CCDC187: variants seen among roughly 807,000 people sequenced by gnomAD.
CCDC187 encodes the protein coiled-coil domain containing 187, also known as coiled-coil domain-containing protein 187.
Under a neutral mutation model 38.0 loss-of-function variants are expected in CCDC187, and 32 were observed. The observed-to-expected ratio is 0.84, with a 90% CI of 0.64 to 1.13. The LOEUF (loss-of-function observed/expected upper bound fraction) is 1.13, where lower values mean the gene tolerates loss of function less well. CCDC187 is among the 50% of genes most tolerant of loss of function. The pLI, the probability that CCDC187 is intolerant of heterozygous loss-of-function variation, is 0.00. For missense variants in CCDC187, 707 were observed against 786.8 expected, an observed-to-expected ratio of 0.90 and a Z score of 1.21; for synonymous variants, 333 against 347.9, an observed-to-expected ratio of 0.96 and a Z score of 0.48.
intron 4 of CCDC187, among the ~76,000 whole-genome samples, chr9:136,293,167 TCA>T (rs1279987429): frequency 1.9e-5 from 1 of 53,032 alleles, no homozygotes; most frequent in Non-Finnish European, 4.3e-5. Flanking sequence ...GCTCACACAC[TCA>T]CATGCTCACA....
chr9:136,260,689 C>T (rs554518626), intron 19 of CCDC187, among the ~76,000 whole-genome samples: 18 of 152,292 alleles, frequency 1.2e-4, no homozygotes, highest in South Asian at 2.1e-4. Flanking sequence ...CTTTCTCCCC[C>T]GGGCACCTGC....
At position 136,272,258 on chromosome 9, in the gene CCDC187, CTA is replaced by C. The variant is rs1265374926; in HGVS notation, c.3442+2398_3442+2399del. On this transcript the variant is annotated intron_variant, in intron 14 of 25. Transcript: ENST00000638797. ...AGCACCAGAAATGGTAAAATGACGA[CTA>C]TGTGCAGATGTAAATATAAACACAT... Among the ~76,000 whole-genome samples the C allele has an allele frequency of 2.6e-5, 4 of 152,306 alleles. No homozygotes were observed. The East Asian group carries it at 5.8e-4, about 22-fold the overall frequency.
rs543958873 is a variant in CCDC187, at chr9:136,254,023, G to A, written c.5805C>T (p.Pro1935=). ...KSKLPYLMPE[P]ETPVTLQAPP... ...GAGCCTGCAGGGTCACCGGGGTCTCGGGCTCTGGCATGAGGTACGGGAGTT... is the reference window on the plus strand; with the variant it reads ...GAGCCTGCAGGGTCACCGGGGTCTCAGGCTCTGGCATGAGGTACGGGAGTT... Residue 1935 remains proline, a synonymous_variant, in exon 26 of 26, where the codon CCC becomes CCT. Coordinates refer to ENST00000638797, the MANE Select transcript of CCDC187 (RefSeq NM_001378188.1). 3.1e-5 allele frequency: 31 copies of A among 985,332 alleles called. No homozygotes were observed. Among genetic ancestry groups the A allele is most frequent in the African/African-American group, 5.2e-5 (3 of 57,280 alleles). The allele number at this position is 985,332 out of a possible 1,614,324, so 61.0% of individuals were successfully genotyped here.
intron 10 of CCDC187, among the ~76,000 whole-genome samples, chr9:136,276,953 G>C (rs1830944040): frequency 6.6e-6 from 1 of 152,086 alleles, no homozygotes; most frequent in African/African-American, 2.4e-5. Flanking sequence ...AGGGCTGGGA[G>C]GGCTGCAGCC....
At chr9:136,297,688 C>T in intron 4 of CCDC187, 26 bp downstream of exon 4, 1 of 399,186 alleles carries the variant, frequency 2.5e-6, no homozygotes. Context: ...CCTAGCGTGC[C>T]AGGGCCCCAA....
chr9:136,290,139 C>A, intron 6 of CCDC187, 86 bp from the exon 7 acceptor site: 1 of 398,236 alleles, frequency 2.5e-6, no homozygotes, highest in South Asian at 1.3e-4. Flanking sequence ...AGGCCTTGAC[C>A]TCCCTTGGGG....
intron 16 of CCDC187, 105 bp from the exon 17 acceptor site, chr9:136,266,148 GC>G (rs1554761583): frequency 3.4e-6 from 2 of 589,164 alleles, no homozygotes; most frequent in Non-Finnish European, 4.3e-6. Context: ...AACCTGGAAT[GC>G]CCTCCCAAGG....
intron 9 of CCDC187, 58 bp downstream of exon 9, chr9:136,285,448 TGGGCAGG>T: frequency 4.4e-5 from 2 of 45,372 alleles, no homozygotes; most frequent in South Asian, 4.8e-4. Flanking sequence ...GGTGGGCAGG[TGGGCAGG>T]TGGGCAGGCG....
At position 136,286,327 on chromosome 9, in the gene CCDC187, G is replaced by A. The variant is rs962242800; in HGVS notation, c.2591C>T (p.Ser864Leu). The A allele has an allele frequency of 5.5e-5, 22 of 398,606 alleles. No homozygotes were observed. Among genetic ancestry groups the A allele is most frequent in the African/African-American group, 2.3e-4 (11 of 48,766 alleles). The allele number at this position is 398,606 out of a possible 1,614,324, so 24.7% of individuals were successfully genotyped here. A position where few individuals can be genotyped will look rare whatever the true frequency, so the allele number is the denominator to read the frequency against. ...GGCGGCAGGTAGGCTGTGGGGGCAC[G>A]AGCGCAGCAGGCCCACAGCTGGGTC... ...VRDPAVGLLR[S>L]CPHSLPAAPT... The change falls in exon 8 of 26, where the codon TCG becomes TTG. Residue 864 changes from serine to leucine, a missense_variant. Coordinates refer to ENST00000638797, the MANE Select transcript of CCDC187 (RefSeq NM_001378188.1).
chr9:136,265,386 C>T (rs1358950069), intron 17 of CCDC187, among the ~76,000 whole-genome samples: 2 of 152,198 alleles, frequency 1.3e-5, no homozygotes, highest in African/African-American at 2.4e-5. Flanking sequence ...CCCTGCCAGG[C>T]GCGGCTAGGG....
At chr9:136,293,330 T>A (rs1391364441) in intron 4 of CCDC187, among the ~76,000 whole-genome samples, 1 of 82,616 alleles carries the variant, frequency 1.2e-5, no homozygotes, top group African/African-American at 5.0e-5. Flanking sequence ...CTCACATGCT[T>A]ACACACTCAC....
chr9:136,255,637 G>A lies in CCDC187; in HGVS notation c.4693+20C>T. The A allele has an allele frequency of 1.1e-5, 11 of 977,532 alleles. No homozygotes were observed. The highest frequency in any genetic ancestry group is 1.3e-5 in the Non-Finnish European group (11 of 822,714). The allele number at this position is 977,532 out of a possible 1,614,324, so 60.6% of individuals were successfully genotyped here. Reference sequence around the variant, plus strand: ...TGGGGACTCGATGGCTGAAGGAGGGGCTGGGGGCTGGGGCATTACCTGGGG... The same window carrying A: ...TGGGGACTCGATGGCTGAAGGAGGGACTGGGGGCTGGGGCATTACCTGGGG... On this transcript the variant is annotated intron_variant, in intron 25 of 25. Coordinates refer to ENST00000638797, the MANE Select transcript of CCDC187 (RefSeq NM_001378188.1).
At chr9:136,270,968 G>T (rs1554762323) in intron 14 of CCDC187, among the ~76,000 whole-genome samples, 1 of 152,170 alleles carries the variant, frequency 6.6e-6, no homozygotes, top group African/African-American at 2.4e-5. Context: ...ATTGATAATT[G>T]TCCATGATCA....
intron 23 of CCDC187, 83 bp from the exon 24 acceptor site, chr9:136,256,406 G>A: frequency 1.5e-6 from 1 of 666,168 alleles, no homozygotes; most frequent in Non-Finnish European, 1.9e-6. Flanking sequence ...GAGCCCCTGT[G>A]CTTCCAGCGA....
chr9:136,269,989 G>A (rs1830812678), intron 14 of CCDC187, among the ~76,000 whole-genome samples: 1 of 152,216 alleles, frequency 6.6e-6, no homozygotes, highest in Non-Finnish European at 1.5e-5. Flanking sequence ...ACTAGACACT[G>A]CAGAAGGAGA....
chr9:136,286,143 G>C lies in CCDC187; in HGVS notation c.2775C>G (p.Pro925=), dbSNP rs1831173894. 2.5e-6 allele frequency: 1 copy of C among 398,450 alleles called. No homozygotes were observed. Among genetic ancestry groups the C allele is most frequent in the South Asian group, 1.3e-4 (1 of 7,858 alleles). The allele number at this position is 398,450 out of a possible 1,614,324, so 24.7% of individuals were successfully genotyped here. The change falls in exon 8 of 26, where the codon CCC becomes CCG. Residue 925 remains proline, a synonymous_variant. Coordinates refer to ENST00000638797, the MANE Select transcript of CCDC187 (RefSeq NM_001378188.1). The part of the protein sequence containing the change: ...FLDGETLSWG[P]SWEQQQSVSP... ...TCACACTCTGCTGTTGCTCCCAGCT[G>C]GGGCCCCACGACAGTGTCTCGCCGT...
At chr9:136,297,547 G>A (rs1026843384) in intron 4 of CCDC187, among the ~76,000 whole-genome samples, 167 bp downstream of exon 4, 1 of 152,076 alleles carries the variant, frequency 6.6e-6, no homozygotes, top group Non-Finnish European at 1.5e-5. Context: ...CAGCCCTGAC[G>A]CTCCAGCCGG....
upstream of CCDC187, among the ~76,000 whole-genome samples, chr9:136,305,279 C>G (rs1365372770): frequency 5.9e-5 from 9 of 152,226 alleles, no homozygotes; most frequent in Admixed American, 2.6e-4. Flanking sequence ...GCTGTTACAC[C>G]CTGGGGAACA....
intron 24 of CCDC187, 144 bp from the exon 25 acceptor site, chr9:136,255,877 G>T: frequency 3.7e-6 from 1 of 269,160 alleles, no homozygotes; most frequent in Non-Finnish European, 5.7e-6. Context: ...CACCACCTGA[G>T]TGACCCTGAG....
Sources: gnomAD v4.1 joint callset for allele counts (sites outside exome capture counted in the v4.1 genomes callset) on GRCh38, gnomAD v4.1.1 for gene constraint, MANE v1.5 for transcripts, NCBI Gene and HGNC (gene_info 2026-07-23, HGNC 2026-07-21) for gene names.